Variants in SYT9 observed in about 807,000 individuals in gnomAD.
SYT9 encodes the protein synaptotagmin 9.
SYT9 carries 22 observed loss-of-function variants against 48.4 expected under a neutral mutation model. The ratio of observed to expected loss-of-function variants is 0.45; its 90% CI spans 0.32 to 0.65. The LOEUF (loss-of-function observed/expected upper bound fraction) is 0.65. SYT9 is among the 30% of genes least tolerant of loss of function. The pLI is 0.03. For missense variants in SYT9, 577 were observed against 622.0 expected (o/e 0.93, Z 0.77); for synonymous variants, 265 against 245.0 (o/e 1.08, Z -0.76).
chr11:7,304,530 A>C (rs545084689), intron 2 of SYT9, among the ~76,000 whole-genome samples: 79 of 152,278 alleles, frequency 5.2e-4, no homozygotes, highest in African/African-American at 1.7e-3. Flanking sequence ...ATAAGACTTT[A>C]CCCTTTTTAT....
At chr11:7,309,332 G>A (rs114067578) in intron 2 of SYT9, among the ~76,000 whole-genome samples, 1,677 of 152,222 alleles carry the variant, frequency 0.011, 28 homozygotes, top group African/African-American at 0.039. Context: ...ACCCACTGTC[G>A]TTGGGGTCCA....
In SYT9 at chr11:7,252,390, C is replaced by G; in HGVS notation, c.145+59C>G. On this transcript the variant is annotated intron_variant, in intron 1 of 6. Coordinates refer to ENST00000318881, the MANE Select transcript of SYT9 (RefSeq NM_175733.4). The surrounding 1 kb of genome is among the most constrained non-coding windows in gnomAD (Gnocchi z 6.3). ...AGGGCCCTGGGCTGGGACTTGGGGC[C>G]GCACCGGGGCCTGAGGCAGAACAGC... 2 of 1,360,214 alleles carry G rather than the reference C, an allele frequency of 1.5e-6. No individual in the cohort carries two copies. Among genetic ancestry groups the G allele is most frequent in the Non-Finnish European group, 1.9e-6 (2 of 1,055,734 alleles). 84.3% of individuals were successfully genotyped at this position (1,360,214 alleles called of 1,614,324 possible). A position where few individuals can be genotyped will look rare whatever the true frequency, so the allele number is the denominator to read the frequency against.
At chr11:7,336,470 T>TG (rs1192389064) in intron 3 of SYT9, among the ~76,000 whole-genome samples, 1 of 152,180 alleles carries the variant, frequency 6.6e-6, no homozygotes, top group African/African-American at 2.4e-5. Flanking sequence ...TTTATAGTTT[T>TG]GGGGTTTACA....
At chr11:7,386,965 G>A (rs984838487) in intron 3 of SYT9, among the ~76,000 whole-genome samples, 30 of 152,282 alleles carry the variant, frequency 2.0e-4, no homozygotes, top group African/African-American at 6.7e-4. Flanking sequence ...ATACTATGCA[G>A]CCATAAAAAA....
chr11:7,319,177 TCTTTTC>T (rs1849293950), intron 3 of SYT9, among the ~76,000 whole-genome samples: 1 of 130,150 alleles, frequency 7.7e-6, no homozygotes, highest in African/African-American at 2.8e-5. Context: ...TTTTTTTTTT[TCTTTTC>T]TTCTTTTTCT....
upstream of SYT9, among the ~76,000 whole-genome samples, chr11:7,251,778 A>G (rs1011624585): frequency 6.6e-6 from 1 of 152,102 alleles, no homozygotes; most frequent in Admixed American, 6.5e-5. Context: ...GCGCTCGGCC[A>G]GGAGCCGGGG....
At chr11:7,432,427 A>G (rs986402796) in intron 6 of SYT9, among the ~76,000 whole-genome samples, 13 of 151,054 alleles carry the variant, frequency 8.6e-5, no homozygotes, top group African/African-American at 2.7e-4. Flanking sequence ...GGTGCCTTCA[A>G]TCCCAGCTAC....
At chr11:7,464,224 T>C (rs2134161316) in intron 6 of SYT9, among the ~76,000 whole-genome samples, 1 of 152,090 alleles carries the variant, frequency 6.6e-6, no homozygotes, top group Admixed American at 6.5e-5. Flanking sequence ...TCCAGAGAAA[T>C]GGGATAAGCA....
chr11:7,274,142 AT>A (rs1253244454), intron 1 of SYT9, among the ~76,000 whole-genome samples: 1 of 152,124 alleles, frequency 6.6e-6, no homozygotes, highest in Non-Finnish European at 1.5e-5. Flanking sequence ...TGACAAGTTT[AT>A]TACCTGCTGT....
At position 7,313,941 on chromosome 11, in the gene SYT9, T is replaced by C. The variant is rs748318797; in HGVS notation, c.1044T>C (p.Asn348=). 1.6e-5 allele frequency: 26 copies of C among 1,608,592 alleles called. No individual in the cohort carries two copies. The South Asian group carries it at 2.8e-4, about 17-fold the overall frequency. Residue 348 remains asparagine (N), a splice_region_variant and synonymous_variant, in exon 3 of 7, where the codon AAT becomes AAC. Transcript: ENST00000318881. ...GGAAGGATATCGAATATGTCACCAA[T>C]GTGAGTCCAGCATTTCTTCATTTTT... is the stretch of plus-strand genomic sequence containing the variant. ...ILWKDIEYVT[N]DNVDLGELMF...
intron 6 of SYT9, among the ~76,000 whole-genome samples, chr11:7,432,389 A>T (rs1847591936): frequency 1.3e-5 from 2 of 151,418 alleles, no homozygotes; most frequent in African/African-American, 4.8e-5. Flanking sequence ...TCTACTAAAA[A>T]TACAAAAATT....
At chr11:7,346,126 C>G (rs1295962031) in intron 3 of SYT9, among the ~76,000 whole-genome samples, 1 of 152,038 alleles carries the variant, frequency 6.6e-6, no homozygotes, top group East Asian at 1.9e-4. Flanking sequence ...GCAGTAAGGA[C>G]CAAAGCCAGA....
chr11:7,281,598 G>C (rs1041858219), intron 1 of SYT9, among the ~76,000 whole-genome samples: 7 of 152,116 alleles, frequency 4.6e-5, no homozygotes, highest in African/African-American at 1.7e-4. Flanking sequence ...GATTTTTGGA[G>C]CCATTTACAC....
At chr11:7,261,759 G>A (rs1213755066) in intron 1 of SYT9, among the ~76,000 whole-genome samples, 2 of 152,002 alleles carry the variant, frequency 1.3e-5, no homozygotes, top group Non-Finnish European at 2.9e-5. Context: ...CAAGGCAGGA[G>A]CATGCTTGAC....
chr11:7,433,414 A>G (rs1011150793), intron 6 of SYT9, among the ~76,000 whole-genome samples: 5 of 152,204 alleles, frequency 3.3e-5, no homozygotes, highest in Non-Finnish European at 7.3e-5. Flanking sequence ...AACATTCTGA[A>G]TTTTTCTTCC....
At chr11:7,453,590 C>A (rs139939331) in intron 6 of SYT9, among the ~76,000 whole-genome samples, 9 of 152,288 alleles carry the variant, frequency 5.9e-5, no homozygotes, top group Non-Finnish European at 1.2e-4. Flanking sequence ...ACAAGCTGGA[C>A]GATGCAAATA....
At chr11:7,283,928 G>A (rs560327674) in intron 1 of SYT9, among the ~76,000 whole-genome samples, 3 of 152,090 alleles carry the variant, frequency 2.0e-5, no homozygotes, top group Non-Finnish European at 4.4e-5. Flanking sequence ...CTCCAAAAAG[G>A]CAACACAGTT....
upstream of SYT9, among the ~76,000 whole-genome samples, chr11:7,247,999 G>A (rs1297537616): frequency 1.3e-5 from 2 of 151,968 alleles, no homozygotes; most frequent in Non-Finnish European, 2.9e-5. Context: ...ACTGTTTTTT[G>A]ATTTTTTGAT....
At chr11:7,422,910 A>G (rs1847381916) in intron 6 of SYT9, among the ~76,000 whole-genome samples, 1 of 152,188 alleles carries the variant, frequency 6.6e-6, no homozygotes, top group South Asian at 2.1e-4. Context: ...TTCACCTGAG[A>G]GATATTCCTC....
Sources: allele counts gnomAD v4.1 joint callset (sites outside exome capture counted in the v4.1 genomes callset), GRCh38; gene constraint gnomAD v4.1.1; non-coding constraint Gnocchi (gnomAD v3.1); transcripts MANE v1.5; gene names NCBI Gene and HGNC (gene_info 2026-07-23, HGNC 2026-07-21).